The following SEMA6A variants were observed in gnomAD, a reference collection of about 807,000 sequenced individuals.
SEMA6A encodes semaphorin-6A.
A neutral mutation model predicts 96.8 loss-of-function variants in SEMA6A; 25 were observed. The observed-to-expected ratio is 0.26, with a 90% CI of 0.19 to 0.36. The LOEUF is 0.36. SEMA6A is among the 10% of genes least tolerant of loss of function. The pLI is 1.00. For synonymous variants in SEMA6A, 612 were observed against 518.0 expected (o/e 1.18, Z -2.46); for missense variants, 1,363 against 1,323.1 (o/e 1.03, Z -0.47).
intron 1 of SEMA6A, among the ~76,000 whole-genome samples, chr5:116,556,399 C>G (rs1167770342): frequency 6.6e-6 from 1 of 152,160 alleles, no homozygotes; most frequent in Non-Finnish European, 1.5e-5. Context: ...GTGACAAAAA[C>G]ATTGAATTTA....
chr5:116,534,584 AATC>A, intron 1 of SEMA6A, among the ~76,000 whole-genome samples: 1 of 152,322 alleles, frequency 6.6e-6, no homozygotes, highest in East Asian at 1.9e-4. Context: ...TCTTTGACCA[AATC>A]ATCATCTATG....
At chr5:116,467,889 G>T in intron 17 of SEMA6A, 142 bp from the exon 18 acceptor site, 1 of 602,666 alleles carries the variant, frequency 1.7e-6, no homozygotes, top group East Asian at 2.8e-5. Flanking sequence ...CTTAGTGGTG[G>T]TGGTGGTGGT....
chr5:116,561,282 C>T (rs1006879607), intron 1 of SEMA6A, among the ~76,000 whole-genome samples: 9 of 152,138 alleles, frequency 5.9e-5, no homozygotes, highest in Non-Finnish European at 8.8e-5. Flanking sequence ...CCATTAAATA[C>T]AGTCAGTAAG....
intron 1 of SEMA6A, among the ~76,000 whole-genome samples, chr5:116,564,844 T>C (rs897902686): frequency 6.6e-6 from 1 of 152,244 alleles, no homozygotes; most frequent in African/African-American, 2.4e-5. Flanking sequence ...AAATGGTCTC[T>C]AGCTCCTTAG....
chr5:116,447,143 T>C lies in SEMA6A; in HGVS notation c.2563A>G (p.Ile855Val), dbSNP rs1424337671. Residue 855 changes from isoleucine (I) to valine (V), a missense_variant, in exon 19 of 19, where the codon ATC becomes GTC. Coordinates refer to ENST00000343348, the MANE Select transcript of SEMA6A (RefSeq NM_020796.5). ...DQAATLEYKT[I>V]KEHLSSKSPN... The stretch of plus-strand genomic sequence containing the variant: ...CTCTTGCTGCTGAGATGTTCCTTGA[T>C]GGTCTTATACTCCAGTGTGGCGGCC... The C allele has an allele frequency of 4.3e-6, 7 of 1,614,026 alleles. No homozygotes were observed. In the South Asian group the frequency reaches 5.5e-5, roughly 13 times the overall value.
intron 1 of SEMA6A, among the ~76,000 whole-genome samples, chr5:116,572,501 C>A (rs979210229): frequency 1.6e-4 from 24 of 152,216 alleles, no homozygotes; most frequent in African/African-American, 5.8e-4. Flanking sequence ...CCACGCACAC[C>A]TGGCTCTGCT....
At chr5:116,563,529 AAAG>A (rs1760902628) in intron 1 of SEMA6A, among the ~76,000 whole-genome samples, 1 of 152,216 alleles carries the variant, frequency 6.6e-6, no homozygotes, top group African/African-American at 2.4e-5. Context: ...AAGGCACACA[AAAG>A]AAAATCTGTA....
intron 3 of SEMA6A, among the ~76,000 whole-genome samples, chr5:116,500,480 A>G (rs572397210): frequency 6.6e-6 from 1 of 152,358 alleles, no homozygotes; most frequent in Admixed American, 6.5e-5. Context: ...TTGTATGTGC[A>G]GAGCATACTA....
intron 1 of SEMA6A, among the ~76,000 whole-genome samples, chr5:116,569,439 A>T (rs1198670608): frequency 6.6e-6 from 1 of 152,196 alleles, no homozygotes; most frequent in Non-Finnish European, 1.5e-5. Flanking sequence ...TGCAAAGGCC[A>T]TAGGAAGGAC....
intron 1 of SEMA6A, among the ~76,000 whole-genome samples, chr5:116,551,780 C>G (rs1760423474): frequency 6.6e-6 from 1 of 152,216 alleles, no homozygotes; most frequent in Non-Finnish European, 1.5e-5. Flanking sequence ...GTAATCACAA[C>G]AAGCTTTCTC....
chr5:116,462,469 C>CTA (rs1441584829), intron 18 of SEMA6A, among the ~76,000 whole-genome samples: 17 of 152,192 alleles, frequency 1.1e-4, no homozygotes, highest in Admixed American at 1.1e-3. Context: ...GCAGACCACA[C>CTA]TAGGGTGCTT....
chr5:116,492,364 A>G (rs1464776846), intron 6 of SEMA6A: 2 of 152,272 alleles, frequency 1.3e-5, no homozygotes, highest in Non-Finnish European at 2.9e-5. Flanking sequence ...TGAAGTACAA[A>G]TGTTTCGGTT....
chr5:116,521,263 A>G (rs1301240446), intron 1 of SEMA6A, among the ~76,000 whole-genome samples: 1 of 152,234 alleles, frequency 6.6e-6, no homozygotes, highest in Non-Finnish European at 1.5e-5. Context: ...ACTGTCAAGC[A>G]CTGGCTTGTT....
chr5:116,467,842 G>T, intron 17 of SEMA6A, 95 bp from the exon 18 acceptor site: 1 of 1,275,618 alleles, frequency 7.8e-7, no homozygotes, highest in Non-Finnish European at 1.1e-6. Context: ...CAAGCTGGCT[G>T]TAAGACTGAG....
intron 1 of SEMA6A, among the ~76,000 whole-genome samples, chr5:116,560,779 T>C (rs1760792140): frequency 6.6e-6 from 1 of 152,102 alleles, no homozygotes; most frequent in Non-Finnish European, 1.5e-5. Flanking sequence ...AGGGTGATTT[T>C]GACTCAAGAC....
chr5:116,496,405 A>C, intron 4 of SEMA6A, 92 bp from the exon 5 acceptor site: 1 of 1,019,828 alleles, frequency 9.8e-7, no homozygotes, highest in Non-Finnish European at 1.5e-6. Context: ...CTAAAGGCTG[A>C]ACATATATTT....
At chr5:116,494,373 T>G (rs72810801) in intron 6 of SEMA6A, among the ~76,000 whole-genome samples, 2,233 of 152,228 alleles carry the variant, frequency 0.015, 41 homozygotes, top group Non-Finnish European at 0.019. Flanking sequence ...AAAAATTAAT[T>G]AAACGCCTGT....
rs574901049 is a variant in SEMA6A at position 116,573,443 on chromosome 5, G to A, written c.-39+742C>T. Among the ~76,000 whole-genome samples, 4 of 152,288 alleles carry A rather than the reference G, an allele frequency of 2.6e-5. No individual in the cohort carries two copies. In the East Asian group the frequency reaches 7.8e-4, roughly 30 times the overall value. ...ATCCTTGCCGCTCGGGTTGGGAGCT[G>A]CGGCGGGGGACAGGACCCATGGCGG... On this transcript the variant is annotated intron_variant, in intron 1 of 18. Coordinates refer to ENST00000343348, the MANE Select transcript of SEMA6A (RefSeq NM_020796.5).
chr5:116,534,986 C>T (rs1759646755), intron 1 of SEMA6A, among the ~76,000 whole-genome samples: 2 of 152,342 alleles, frequency 1.3e-5, no homozygotes, highest in Non-Finnish European at 2.9e-5. Context: ...CTAACTCATC[C>T]TTGCATATAC....
Sources: gnomAD v4.1 joint callset for allele counts (sites outside exome capture counted in the v4.1 genomes callset) on GRCh38, gnomAD v4.1.1 for gene constraint, MANE v1.5 for transcripts, NCBI Gene and HGNC (gene_info 2026-07-23, HGNC 2026-07-21) for gene names.